DNAJC17: variants seen among roughly 807,000 people sequenced by gnomAD.
DNAJC17 encodes the protein DnaJ heat shock protein family (Hsp40) member C17, also known as dnaJ homolog subfamily C member 17.
Under a neutral mutation model 48.1 loss-of-function variants are expected in DNAJC17, and 35 were observed. That is an observed-to-expected ratio of 0.73 (90% confidence interval 0.56 to 0.96). The LOEUF is 0.96. Among genes scored for constraint, DNAJC17 ranks in the 50% least tolerant of loss-of-function variants. The pLI is 0.00. For synonymous variants in DNAJC17, 117 were observed against 142.7 expected, an observed-to-expected ratio of 0.82 and a Z score of 1.28; for missense variants, 355 against 377.1, an observed-to-expected ratio of 0.94 and a Z score of 0.48.
intron 10 of DNAJC17, chr15:40,772,232 C>T (rs575461145): frequency 6.0e-6 from 1 of 167,240 alleles, no homozygotes; most frequent in South Asian, 2.1e-4. Context: ...ACGGCCCCAC[C>T]CCATGGCCTC....
chr15:40,794,218 T>TAG (rs1381088646), intron 1 of DNAJC17, among the ~76,000 whole-genome samples: 3 of 151,862 alleles, frequency 2.0e-5, no homozygotes, highest in Non-Finnish European at 2.9e-5. Context: ...GGCATGGTGG[T>TAG]GCATGCCTAT....
chr15:40,774,185 C>T (rs1406927271), intron 9 of DNAJC17, 171 bp downstream of exon 9: 15 of 720,428 alleles, frequency 2.1e-5, no homozygotes, highest in Non-Finnish European at 3.3e-5. Context: ...CCTTCACACA[C>T]GGTGCCTCTA....
At chr15:40,775,777 A>G (rs1232135879) in intron 6 of DNAJC17, among the ~76,000 whole-genome samples, 181 bp from the exon 7 acceptor site, 1 of 152,050 alleles carries the variant, frequency 6.6e-6, no homozygotes, top group African/African-American at 2.4e-5. Flanking sequence ...AGAAGCTGCC[A>G]CCCCAGGGGT....
rs111641803 is a variant in DNAJC17, at chr15:40,767,660, C to G, written c.*280G>C. 81 of 586,180 alleles carry G rather than the reference C, an allele frequency of 1.4e-4. No homozygotes were observed. In the African/African-American group the frequency reaches 1.4e-3, roughly 10 times the overall value. 36.3% of individuals were successfully genotyped at this position (586,180 alleles called of 1,614,324 possible). A position where few individuals can be genotyped will look rare whatever the true frequency, so the allele number is the denominator to read the frequency against. ...GCTGGGCACTCCAGCGGCCCTGGCG[C>G]GTGGCTCCTGCATAGCTAGCCCAAG... On this transcript the variant is annotated 3_prime_UTR_variant, in exon 11 of 11. Coordinates refer to ENST00000220496, the MANE Select transcript of DNAJC17 (RefSeq NM_018163.3).
At chr15:40,774,140 G>A in intron 9 of DNAJC17, 1 of 618,130 alleles carries the variant, frequency 1.6e-6, no homozygotes, top group South Asian at 1.9e-5. Context: ...TCAAGTCTGT[G>A]CTCTCCTTTC....
chr15:40,785,923 T>C (rs1002428111), intron 1 of DNAJC17, among the ~76,000 whole-genome samples: 1 of 152,244 alleles, frequency 6.6e-6, no homozygotes, highest in African/African-American at 2.4e-5. Flanking sequence ...TATTACTATA[T>C]TTAACTGTTA....
rs1189364474 is a variant in DNAJC17, at chr15:40,769,786, C to T, written c.793-1724G>A. 3 of 152,490 alleles carry T rather than the reference C, an allele frequency of 2.0e-5. No individual in the cohort carries two copies. The highest frequency in any genetic ancestry group is 4.8e-5 in the African/African-American group (2 of 41,446). 9.4% of individuals were successfully genotyped at this position (152,490 alleles called of 1,614,324 possible). ...GGGGCTGTGATCAGAAAGGAAGCCG[C>T]GTGGTGACACATAAAGCAGGGCTGC... On this transcript the variant is annotated intron_variant, in intron 10 of 10. Transcript: ENST00000220496. The surrounding 1 kb of genome is among the most constrained non-coding windows in gnomAD (Gnocchi z 4.2).
At chr15:40,774,860 C>G (rs3784290) in intron 8 of DNAJC17, 171 bp downstream of exon 8, 17,905 of 692,974 alleles carry the variant, frequency 0.026, 678 homozygotes, top group African/African-American at 0.13. Context: ...CAAGTGAAAG[C>G]AAGGCTGTAG....
At position 40,771,304 on chromosome 15, in the gene DNAJC17, G is replaced by A. The variant is rs536256395; in HGVS notation, c.792+2423C>T. ...GACCCTGAAGAAAGCTGGCTATGCC[G>A]GGAAAGGGAGGCTGTGCCGGGAAAG... On this transcript the variant is annotated intron_variant, in intron 10 of 10. Transcript: ENST00000220496. 6.2e-5 allele frequency: 28 copies of A among 453,112 alleles called. No individual in the cohort carries two copies. The East Asian group carries it at 9.1e-4, about 15-fold the overall frequency. The allele number at this position is 453,112 out of a possible 1,614,324, so 28.1% of individuals were successfully genotyped here.
intron 1 of DNAJC17, among the ~76,000 whole-genome samples, chr15:40,798,109 T>C (rs967151057): frequency 7.2e-5 from 11 of 152,192 alleles, no homozygotes; most frequent in Admixed American, 4.6e-4. Flanking sequence ...AACAGATGAA[T>C]GGATAAACAA....
chr15:40,775,541 G>A lies in DNAJC17; in HGVS notation c.522+12C>T, dbSNP rs1185004291. On this transcript the variant is annotated intron_variant, in intron 7 of 10. Transcript: ENST00000220496. ...GAGTGTGAGGTGGCCCACAGATCCT[G>A]CCCAGGCTCACCTTTAGTTTGGGGG... The A allele has an allele frequency of 1.2e-6, 2 of 1,613,462 alleles. No individual in the cohort carries two copies. Among genetic ancestry groups the A allele is most frequent in the East Asian group, 2.2e-5 (1 of 44,900 alleles).
At chr15:40,779,332 G>A in intron 3 of DNAJC17, 22 bp from the exon 4 acceptor site, 2 of 1,613,062 alleles carry the variant, frequency 1.2e-6, no homozygotes, top group East Asian at 2.2e-5. Flanking sequence ...AAGGGGCACA[G>A]GGCAGAGGGT....
rs1278314869 is a variant in DNAJC17, at chr15:40,765,654, T to G, written c.*2286A>C. ...GCGCCTACATTGCTCCTCCTGATCA[T>G]TGATGGGCTCCACCCCTTCACAGCT... On this transcript the variant is annotated 3_prime_UTR_variant, in exon 11 of 11. Transcript: ENST00000220496. 1 of 400,564 alleles carries G rather than the reference T, an allele frequency of 2.5e-6. No homozygotes were observed. Among genetic ancestry groups the G allele is most frequent in the Non-Finnish European group, 4.4e-6 (1 of 225,012 alleles). The allele number at this position is 400,564 out of a possible 1,614,324, so 24.8% of individuals were successfully genotyped here. A position where few individuals can be genotyped will look rare whatever the true frequency, so the allele number is the denominator to read the frequency against.
At chr15:40,804,897 G>A (rs1890161246) in intron 1 of DNAJC17, among the ~76,000 whole-genome samples, 1 of 152,020 alleles carries the variant, frequency 6.6e-6, no homozygotes, top group Non-Finnish European at 1.5e-5. Context: ...AGCTGCTCAG[G>A]AGGCTGAGGC....
At chr15:40,800,536 G>A (rs1890051307) in intron 1 of DNAJC17, among the ~76,000 whole-genome samples, 1 of 150,614 alleles carries the variant, frequency 6.6e-6, no homozygotes, top group African/African-American at 2.4e-5. Flanking sequence ...TGTCACCCAG[G>A]CTGGAGCATG....
chr15:40,789,701 C>G (rs1478151454), intron 1 of DNAJC17, among the ~76,000 whole-genome samples: 3 of 151,676 alleles, frequency 2.0e-5, no homozygotes, highest in Non-Finnish European at 4.4e-5. Flanking sequence ...CCCTCTGGGC[C>G]CTGGTACTTC....
In DNAJC17 at chr15:40,773,212, G is replaced by A. The variant is rs558497577; in HGVS notation, c.792+515C>T. Among the ~76,000 whole-genome samples the A allele has an allele frequency of 6.6e-5, 10 of 152,126 alleles. No individual in the cohort carries two copies. The South Asian group carries it at 2.1e-3, about 32-fold the overall frequency. On this transcript the variant is annotated intron_variant, in intron 10 of 10. Transcript: ENST00000220496. ...TGACCTCAGGTGATCCGCCCCCCTC[G>A]GCCTCCCAAAGTGCTGGGATTAACG...
At position 40,795,623 on chromosome 15, in the gene DNAJC17, G is replaced by A. The variant is rs368615194; in HGVS notation, c.78+11746C>T. Among the ~76,000 whole-genome samples, 21 of 152,172 alleles carry A rather than the reference G, an allele frequency of 1.4e-4. No homozygotes were observed. The East Asian group carries it at 2.5e-3, about 18-fold the overall frequency. ...AATAAAGGTTCAGTGTGGGCTGGGC[G>A]TGGTGGCTCACACCTGTAATCCCAG... On this transcript the variant is annotated intron_variant, in intron 1 of 10. Transcript: ENST00000220496.
At chr15:40,786,563 C>T (rs535834477) in intron 1 of DNAJC17, among the ~76,000 whole-genome samples, 2 of 152,322 alleles carry the variant, frequency 1.3e-5, no homozygotes, top group African/African-American at 4.8e-5. Context: ...CTGAAGCAGC[C>T]ACAGCAAGGT....
Sources: allele counts gnomAD v4.1 joint callset (sites outside exome capture counted in the v4.1 genomes callset), GRCh38; gene constraint gnomAD v4.1.1; non-coding constraint Gnocchi (gnomAD v3.1); transcripts MANE v1.5; gene names NCBI Gene and HGNC (gene_info 2026-07-23, HGNC 2026-07-21).